Variants in SLC25A16 observed in about 807,000 individuals in gnomAD.
SLC25A16 encodes mitochondrial coenzyme A transporter SLC25A16.
A neutral mutation model predicts 41.5 loss-of-function variants in SLC25A16; 39 were observed. The ratio of observed to expected loss-of-function variants is 0.94; its 90% confidence interval spans 0.73 to 1.23. The LOEUF (loss-of-function observed/expected upper bound fraction) is 1.23, where lower values mean the gene tolerates loss of function less well. Among genes scored for constraint, SLC25A16 ranks in the 50% most tolerant of loss-of-function variants. The pLI is 0.00. For missense variants in SLC25A16, 421 were observed against 426.9 expected (o/e 0.99, Z 0.12); for synonymous variants, 146 against 147.8 (o/e 0.99, Z 0.09).
chr10:68,490,187 AG>A (rs1434962332), intron 6 of SLC25A16, among the ~76,000 whole-genome samples: 1 of 151,990 alleles, frequency 6.6e-6, no homozygotes, highest in African/African-American at 2.4e-5. Context: ...ACCTGAGCTG[AG>A]GGAGGTCAAG....
intron 1 of SLC25A16, among the ~76,000 whole-genome samples, chr10:68,520,488 C>A (rs1267895383): frequency 6.6e-6 from 1 of 151,220 alleles, no homozygotes; most frequent in African/African-American, 2.4e-5. Flanking sequence ...CCAGCCTGGC[C>A]AACTTGGTGA....
rs1325467945 is a variant in SLC25A16, at chr10:68,481,329, C to A, written c.*2103G>T. 2 of 152,032 alleles carry A rather than the reference C, an allele frequency of 1.3e-5. No homozygotes were observed. Among genetic ancestry groups the A allele is most frequent in the African/African-American group, 4.8e-5 (2 of 41,402 alleles). 9.4% of individuals were successfully genotyped at this position (152,032 alleles called of 1,614,324 possible). ...CCTACTGGTACACTTATAAATCATA[C>A]AAAGATACATACTTATTTTTAAAAT... On this transcript the variant is annotated 3_prime_UTR_variant, in exon 9 of 9. Coordinates refer to ENST00000609923, the MANE Select transcript of SLC25A16 (RefSeq NM_152707.4).
In SLC25A16 at chr10:68,516,775, G is replaced by A. The variant is rs1236764946; in HGVS notation, c.199C>T (p.His67Tyr). Residue 67 changes from histidine (H) to tyrosine (Y), a missense_variant, in exon 2 of 9, where the codon CAC becomes TAC. Transcript: ENST00000609923. ...CCTAAATGCTTGTAATGGTGATTGT[G>A]AGCTTGTAATAAAACCTTTACTCGA... is the stretch of plus-strand genomic sequence containing the variant. ...LDRVKVLLQAHNHHYKHLGVF... is the reference protein window; with the variant it reads ...LDRVKVLLQAYNHHYKHLGVF... 1 of 1,610,536 alleles carries A rather than the reference G, an allele frequency of 6.2e-7. No individual in the cohort carries two copies. Among genetic ancestry groups the A allele is most frequent in the African/African-American group, 1.3e-5 (1 of 74,906 alleles).
At chr10:68,502,454 T>C (rs1197285783) in intron 4 of SLC25A16, among the ~76,000 whole-genome samples, 1 of 151,060 alleles carries the variant, frequency 6.6e-6, no homozygotes, top group African/African-American at 2.4e-5. Flanking sequence ...AAACAACTAA[T>C]GTCCTAACTC....
chr10:68,506,713 A>G lies in SLC25A16; in HGVS notation c.229T>C (p.Phe77Leu), dbSNP rs755474503. 7 of 1,567,614 alleles carry G rather than the reference A, an allele frequency of 4.5e-6. No homozygotes were observed. The highest frequency in any genetic ancestry group is 6.0e-6 in the Non-Finnish European group (7 of 1,158,890). ...HNHHYKHLGV[F>L]SALRAVPQKE... is the part of the protein sequence containing the mutation. The stretch of plus-strand genomic sequence containing the variant: ...TGAGGAACAGCACGCAATGCAGAAA[A>G]TACTCCTATTTTTAGAGGAAAAATG... Residue 77 changes from phenylalanine to leucine, a missense_variant, in exon 3 of 9, where the codon TTT (phenylalanine) becomes CTT (leucine). By Grantham distance (22) the Phe-to-Leu change is conservative. Coordinates refer to ENST00000609923, the MANE Select transcript of SLC25A16 (RefSeq NM_152707.4).
chr10:68,494,858 G>T (rs1268076669), intron 4 of SLC25A16, among the ~76,000 whole-genome samples: 1 of 147,890 alleles, frequency 6.8e-6, no homozygotes. Context: ...CAGCCCGGGC[G>T]ACAAGAGTAA....
intron 4 of SLC25A16, among the ~76,000 whole-genome samples, chr10:68,499,272 C>A (rs2052800689): frequency 1.3e-5 from 2 of 152,200 alleles, no homozygotes; most frequent in African/African-American, 4.8e-5. Flanking sequence ...ACTCAATCAC[C>A]AAGCTTTGGA....
chr10:68,490,751 TA>T (rs1285663655), intron 6 of SLC25A16, among the ~76,000 whole-genome samples: 1 of 151,874 alleles, frequency 6.6e-6, no homozygotes, highest in Non-Finnish European at 1.5e-5. Context: ...GGCATATATA[TA>T]AAATGCTAAA....
At chr10:68,507,070 C>T (rs1008691040) in intron 2 of SLC25A16, among the ~76,000 whole-genome samples, 296 of 115,584 alleles carry the variant, frequency 2.6e-3, no homozygotes, top group South Asian at 5.7e-3. Flanking sequence ...ATGACCTACT[C>T]TTTTTTTTTT....
chr10:68,493,334 ATT>A, intron 5 of SLC25A16, 113 bp downstream of exon 5: 1 of 1,140,456 alleles, frequency 8.8e-7, no homozygotes, highest in Non-Finnish European at 1.3e-6. Flanking sequence ...TTTCGTAATT[ATT>A]GTTATTAACA....
chr10:68,498,161 T>G lies in SLC25A16; in HGVS notation c.422-4591A>C, dbSNP rs183163470. 2.6e-3 allele frequency among the ~76,000 whole-genome samples: 395 copies of G among 152,232 alleles called. 2 individuals are homozygous for G. Among genetic ancestry groups the G allele is most frequent in the African/African-American group, 8.9e-3 (371 of 41,532 alleles). ...CTCCCCCACTCCCACAAATCAGGAC[T>G]CAAATTCTATTAATCAGAACTTACC... is the stretch of plus-strand genomic sequence containing the variant. On this transcript the variant is annotated intron_variant, in intron 4 of 8. Coordinates refer to ENST00000609923, the MANE Select transcript of SLC25A16 (RefSeq NM_152707.4).
chr10:68,496,717 C>T, intron 4 of SLC25A16: 2 of 930,006 alleles, frequency 2.2e-6, no homozygotes, highest in Non-Finnish European at 2.6e-6. Flanking sequence ...AACCTGAGAA[C>T]ATATTTTAAC....
At chr10:68,509,294 G>C (rs1035399856) in intron 2 of SLC25A16, among the ~76,000 whole-genome samples, 1 of 151,970 alleles carries the variant, frequency 6.6e-6, no homozygotes, top group African/African-American at 2.4e-5. Flanking sequence ...CCACTCCAGC[G>C]ACACTGCACT....
chr10:68,523,153 G>T (rs1010168047), intron 1 of SLC25A16, among the ~76,000 whole-genome samples: 1 of 151,990 alleles, frequency 6.6e-6, no homozygotes, highest in Non-Finnish European at 1.5e-5. Flanking sequence ...GCAGTGCTGC[G>T]ATCTGGGCTT....
At chr10:68,485,980 C>G (rs889788343) in intron 8 of SLC25A16, among the ~76,000 whole-genome samples, 9 of 150,374 alleles carry the variant, frequency 6.0e-5, no homozygotes, top group African/African-American at 2.2e-4. Flanking sequence ...TGTATTTTTA[C>G]TAGAGACGGG....
intron 4 of SLC25A16, among the ~76,000 whole-genome samples, chr10:68,494,919 C>T (rs2133519372): frequency 6.6e-6 from 1 of 150,834 alleles, no homozygotes; most frequent in African/African-American, 2.4e-5. Context: ...AACAAAATCA[C>T]TGTGGGAGTT....
chr10:68,520,829 A>AAAT (rs901328032), intron 1 of SLC25A16, among the ~76,000 whole-genome samples: 4 of 150,836 alleles, frequency 2.7e-5, no homozygotes, highest in Non-Finnish European at 5.9e-5. Context: ...AAAAAAAAAA[A>AAAT]AATACAAAAA....
chr10:68,481,748 G>C lies in SLC25A16; in HGVS notation c.*1684C>G, dbSNP rs553878484. ...CATGTCTCAGCCTCGCGAGTAACTGGGACTACAGGCACGAGCCACCACACC... is the reference window on the plus strand; with the variant it reads ...CATGTCTCAGCCTCGCGAGTAACTGCGACTACAGGCACGAGCCACCACACC... On this transcript the variant is annotated 3_prime_UTR_variant, in exon 9 of 9. Coordinates refer to ENST00000609923, the MANE Select transcript of SLC25A16 (RefSeq NM_152707.4). 7 of 152,244 alleles carry C rather than the reference G, an allele frequency of 4.6e-5. No homozygotes were observed. In the East Asian group the frequency reaches 1.4e-3, roughly 30 times the overall value. 9.4% of individuals were successfully genotyped at this position (152,244 alleles called of 1,614,324 possible).
At chr10:68,516,145 A>T (rs984530663) in intron 2 of SLC25A16, among the ~76,000 whole-genome samples, 1 of 152,138 alleles carries the variant, frequency 6.6e-6, no homozygotes, top group African/African-American at 2.4e-5. Flanking sequence ...TTTACTTAGC[A>T]AGGTCATTTT....
Sources: allele counts gnomAD v4.1 joint callset (sites outside exome capture counted in the v4.1 genomes callset), GRCh38; gene constraint gnomAD v4.1.1; transcripts MANE v1.5; gene names NCBI Gene and HGNC (gene_info 2026-07-23, HGNC 2026-07-21).